SPTBN1: variants seen among roughly 807,000 people sequenced by gnomAD.
SPTBN1 encodes spectrin beta chain, non-erythrocytic 1.
SPTBN1 carries 32 observed loss-of-function variants against 266.4 expected under a neutral mutation model. The observed-to-expected ratio is 0.12, with a 90% CI of 0.09 to 0.16. SPTBN1 has a LOEUF of 0.16. SPTBN1 is among the 10% of genes least tolerant of loss of function. SPTBN1 has a pLI of 1.00. For synonymous variants in SPTBN1, 1,336 were observed against 1,162.2 expected, an observed-to-expected ratio of 1.15 and a Z score of -3.04; for missense variants, 2,296 against 3,067.1, an observed-to-expected ratio of 0.75 and a Z score of 5.94.
Position 54,526,460 on chromosome 2 carries a change from C to CCAG in SPTBN1, c.49_51dup (p.Gln17dup). 1 of 1,614,202 alleles carries CCAG rather than the reference C, an allele frequency of 6.2e-7. No individual in the cohort carries two copies. The highest frequency in any genetic ancestry group is 8.5e-7 in the Non-Finnish European group (1 of 1,180,038). The stretch of plus-strand genomic sequence containing the variant: ...CCACAGACTATGACAACATTGAGAT[C>CCAG]CAGCAGCAGTACAGTGATGTCAACA... On this transcript the variant is annotated inframe_insertion, in exon 2 of 36. Transcript: ENST00000356805.
intron 15 of SPTBN1, 91 bp downstream of exon 15, chr2:54,630,120 C>A: frequency 6.7e-7 from 1 of 1,494,156 alleles, no homozygotes; most frequent in South Asian, 1.3e-5. Flanking sequence ...GGGAATTTCC[C>A]ACATGGGGTC....
In SPTBN1 at chr2:54,661,898, G is replaced by A. The variant is rs1037953517; in HGVS notation, c.6420+1899G>A. On this transcript the variant is annotated intron_variant, in intron 32 of 35. Transcript: ENST00000356805. Reference sequence around the variant, plus strand: ...TTGCTATCATGCCTATTTTTATCTAGATTTTTAAATGTAGCTTGTCATAAC... The same window carrying A: ...TTGCTATCATGCCTATTTTTATCTAAATTTTTAAATGTAGCTTGTCATAAC... The A allele has an allele frequency of 4.1e-6, 4 of 985,202 alleles. No homozygotes were observed. The East Asian group carries it at 3.4e-4, about 84-fold the overall frequency. 61.0% of individuals were successfully genotyped at this position (985,202 alleles called of 1,614,324 possible). A position where few individuals can be genotyped will look rare whatever the true frequency, so the allele number is the denominator to read the frequency against.
intron 3 of SPTBN1, among the ~76,000 whole-genome samples, chr2:54,603,636 G>C (rs1676644293): frequency 6.6e-6 from 1 of 152,114 alleles, no homozygotes; most frequent in Admixed American, 6.6e-5. Flanking sequence ...AATTGTAATT[G>C]GGCCAAAATA....
intron 19 of SPTBN1, among the ~76,000 whole-genome samples, chr2:54,643,959 G>A (rs1454492639): frequency 6.8e-6 from 1 of 147,638 alleles, no homozygotes; most frequent in African/African-American, 2.5e-5. Context: ...GTGATAGAAC[G>A]AGACTCTGTC....
intron 2 of SPTBN1, among the ~76,000 whole-genome samples, chr2:54,541,924 CT>C (rs939163635): frequency 6.6e-6 from 1 of 152,172 alleles, no homozygotes; most frequent in Non-Finnish European, 1.5e-5. Context: ...TGCTCTGATA[CT>C]TTCTATTCTA....
intron 2 of SPTBN1, among the ~76,000 whole-genome samples, chr2:54,569,881 C>T (rs1673934878): frequency 6.6e-6 from 1 of 152,172 alleles, no homozygotes; most frequent in Middle Eastern, 3.4e-3. Context: ...CAACTCCCAC[C>T]CCCACCCCCA....
chr2:54,632,455 A>G (rs1356808926), intron 16 of SPTBN1, 111 bp from the exon 17 acceptor site: 4 of 1,117,062 alleles, frequency 3.6e-6, no homozygotes, highest in Non-Finnish European at 5.2e-6. Flanking sequence ...TAATTATTTC[A>G]TGTAAGTGTA....
In SPTBN1 at chr2:54,576,091, G is replaced by C. The variant is rs1160847588; in HGVS notation, c.149-23001G>C. ...TTTTTTTGAGAGACAGTCTGGCTGT[G>C]TCTCCCAGGCTGGAGTGCAATGGTG... is the stretch of plus-strand genomic sequence containing the variant. On this transcript the variant is annotated intron_variant, in intron 2 of 35. Coordinates refer to ENST00000356805, the MANE Select transcript of SPTBN1 (RefSeq NM_003128.3). Among the ~76,000 whole-genome samples the C allele has an allele frequency of 3.5e-5, 3 of 85,082 alleles. No individual in the cohort carries two copies. In the East Asian group the frequency reaches 8.0e-4, roughly 23 times the overall value. The allele number at this position is 85,082 out of a possible 152,430, so 55.8% of individuals were successfully genotyped here.
intron 2 of SPTBN1, among the ~76,000 whole-genome samples, chr2:54,578,229 A>C (rs1674622421): frequency 1.3e-5 from 2 of 152,244 alleles, no homozygotes; most frequent in African/African-American, 2.4e-5. Flanking sequence ...TTTGCTACAC[A>C]GAGAATAACC....
chr2:54,558,184 C>T lies in SPTBN1; in HGVS notation c.148+31618C>T. The T allele has an allele frequency of 4.1e-6, 4 of 985,362 alleles. No homozygotes were observed. The highest frequency in any genetic ancestry group is 4.8e-6 in the Non-Finnish European group (4 of 829,888). The allele number at this position is 985,362 out of a possible 1,614,324, so 61.0% of individuals were successfully genotyped here. Reference sequence around the variant, plus strand: ...AGTCCAGGGCCCGGCCGGGGGTCGGCGGCTGCCGGGCGGCTGGGGCGACCG... The same window carrying T: ...AGTCCAGGGCCCGGCCGGGGGTCGGTGGCTGCCGGGCGGCTGGGGCGACCG... On this transcript the variant is annotated intron_variant, in intron 2 of 35. Transcript: ENST00000356805. This position sits in a 1 kb window ranked among gnomAD's most constrained non-coding sequence, Gnocchi z 4.6.
At chr2:54,606,244 C>T (rs938385942) in intron 3 of SPTBN1, among the ~76,000 whole-genome samples, 9 of 152,094 alleles carry the variant, frequency 5.9e-5, no homozygotes, top group African/African-American at 1.2e-4. Flanking sequence ...GGGAAGGTAC[C>T]GACAGTCCCC....
chr2:54,654,131 G>A (rs1680493417), intron 27 of SPTBN1, among the ~76,000 whole-genome samples: 1 of 152,146 alleles, frequency 6.6e-6, no homozygotes, highest in Non-Finnish European at 1.5e-5. Context: ...AGGCCCTCTT[G>A]CCCACATATG....
chr2:54,594,851 T>TTTTTTTTTTTTTTG (rs10673399), intron 2 of SPTBN1, among the ~76,000 whole-genome samples: 2 of 144,872 alleles, frequency 1.4e-5, no homozygotes, highest in African/African-American at 5.6e-5. Flanking sequence ...TTTTTTTTTT[T>TTTTTTTTTTTTTTG]GAGACAGAGT....
intron 1 of SPTBN1, among the ~76,000 whole-genome samples, chr2:54,471,924 A>C (rs541661498): frequency 7.2e-6 from 1 of 139,248 alleles, no homozygotes; most frequent in Non-Finnish European, 1.5e-5. Context: ...TTAGCACATT[A>C]TCTGAAACTT....
chr2:54,642,925 C>T (rs189693949), intron 18 of SPTBN1, 58 bp from the exon 19 acceptor site: 308 of 1,574,186 alleles, frequency 2.0e-4, no homozygotes, highest in Non-Finnish European at 2.5e-4. Flanking sequence ...CCTTTCCAGG[C>T]GGAAAAAAGG....
rs758375552 is a variant in SPTBN1, at chr2:54,621,527, A to G, written c.876+15A>G. 65 of 1,600,924 alleles carry G rather than the reference A, an allele frequency of 4.1e-5. 1 individual carries two copies. Among genetic ancestry groups the G allele is most frequent in the South Asian group, 6.6e-5 (6 of 90,808 alleles). On this transcript the variant is annotated intron_variant, in intron 8 of 35. Transcript: ENST00000356805. Reference sequence around the variant, plus strand: ...GAATTGGAAAGGTGAGCTGGTGCCAATTTTGTGAGTTGTGAGACATAATTA... The same window carrying G: ...GAATTGGAAAGGTGAGCTGGTGCCAGTTTTGTGAGTTGTGAGACATAATTA...
In SPTBN1 at chr2:54,646,863, G is replaced by A. The variant is rs1679957420; in HGVS notation, c.4867-268G>A. 6.6e-6 allele frequency among the ~76,000 whole-genome samples: 1 copy of A among 152,206 alleles called. No individual in the cohort carries two copies. The highest frequency in any genetic ancestry group is 1.5e-5 in the Non-Finnish European group (1 of 68,036). On this transcript the variant is annotated intron_variant, in intron 23 of 35. Transcript: ENST00000356805. The surrounding 1 kb of genome is among the most constrained non-coding windows in gnomAD (Gnocchi z 4.4). ...GACCTTGAGGAATTCCAGCGAACCAGGCACACTTGGTCTGCCCAAGCTTTT... is the reference window on the plus strand; with the variant it reads ...GACCTTGAGGAATTCCAGCGAACCAAGCACACTTGGTCTGCCCAAGCTTTT...
chr2:54,480,458 T>G (rs1251694503), intron 1 of SPTBN1, among the ~76,000 whole-genome samples: 1 of 152,248 alleles, frequency 6.6e-6, no homozygotes, highest in African/African-American at 2.4e-5. Flanking sequence ...TATGCAGTAT[T>G]TGAGACATAC....
chr2:54,637,625 G>T, intron 17 of SPTBN1, 88 bp from the exon 18 acceptor site: 1 of 1,048,086 alleles, frequency 9.5e-7, no homozygotes, highest in Non-Finnish European at 1.4e-6. Flanking sequence ...GCATAGTTAG[G>T]AATTCAGGAA....
Sources: allele counts gnomAD v4.1 joint callset (sites outside exome capture counted in the v4.1 genomes callset), GRCh38; gene constraint gnomAD v4.1.1; non-coding constraint Gnocchi (gnomAD v3.1); transcripts MANE v1.5; gene names NCBI Gene and HGNC (gene_info 2026-07-23, HGNC 2026-07-21).